The following LAMA2 variants were observed in gnomAD, a reference collection of about 807,000 sequenced individuals.
LAMA2 encodes laminin subunit alpha 2.
Under a neutral mutation model 364.8 loss-of-function variants are expected in LAMA2, and 269 were observed. The ratio of observed to expected loss-of-function variants is 0.74; its 90% confidence interval spans 0.67 to 0.82. The LOEUF (loss-of-function observed/expected upper bound fraction) is 0.82, where lower values mean the gene tolerates loss of function less well. Among genes scored for constraint, LAMA2 ranks in the 40% least tolerant of loss-of-function variants. The pLI, the probability that LAMA2 is intolerant of heterozygous loss-of-function variation, is 0.00. For missense variants in LAMA2, 3,807 were observed against 3,873.2 expected (o/e 0.98, Z 0.45); for synonymous variants, 1,379 against 1,370.6 (o/e 1.01, Z -0.14).
At position 129,098,284 on chromosome 6, in the gene LAMA2, G is replaced by C; in HGVS notation, c.508G>C (p.Ala170Pro). 6.2e-7 allele frequency: 1 copy of C among 1,614,092 alleles called. No individual in the cohort carries two copies. Among genetic ancestry groups the C allele is most frequent in the Non-Finnish European group, 8.5e-7 (1 of 1,180,002 alleles). Reference sequence around the variant, plus strand: ...TGAATACAAGCCCTGGCAGTATCATGCTGTGACAGACACGGAGTGCCTAAC... The same window carrying C: ...TGAATACAAGCCCTGGCAGTATCATCCTGTGACAGACACGGAGTGCCTAAC... ...DVEYKPWQYH[A>P]VTDTECLTLY... Residue 170 changes from alanine to proline, a missense_variant, in exon 4 of 65, where the codon GCT becomes CCT. Physicochemically the swap from Ala to Pro is conservative, Grantham distance 27. Around this residue, in one of 3 missense-constraint regions of LAMA2, gnomAD observed 394 missense variants for 403.5 expected, o/e 0.98. Coordinates refer to ENST00000421865, the MANE Select transcript of LAMA2 (RefSeq NM_000426.4).
intron 8 of LAMA2, among the ~76,000 whole-genome samples, chr6:129,164,469 G>C (rs376520031): frequency 6.6e-6 from 1 of 152,080 alleles, no homozygotes; most frequent in Non-Finnish European, 1.5e-5. Flanking sequence ...AGGACATTTC[G>C]GAGAATACAA....
Position 129,490,411 on chromosome 6 carries a change from A to T in LAMA2, c.7899-1490A>T, listed in dbSNP as rs186134541. ...CCACCCTGTGAATTGGTTTAAAAAA[A>T]ATAAGGGTCACTATGATGGTCCTTG... On this transcript the variant is annotated intron_variant, in intron 56 of 64. Transcript: ENST00000421865. Among the ~76,000 whole-genome samples, 12 of 152,352 alleles carry T rather than the reference A, an allele frequency of 7.9e-5. 1 individual carries two copies. The East Asian group carries it at 2.3e-3, about 29-fold the overall frequency.
chr6:129,009,759 G>A (rs1415292973), intron 1 of LAMA2, among the ~76,000 whole-genome samples: 1 of 152,028 alleles, frequency 6.6e-6, no homozygotes, highest in Non-Finnish European at 1.5e-5. Flanking sequence ...GATTCTTACC[G>A]CCTACCAGCT....
chr6:129,128,605 TATTAA>T (rs1356072951), intron 4 of LAMA2, among the ~76,000 whole-genome samples: 1 of 152,236 alleles, frequency 6.6e-6, no homozygotes, highest in Non-Finnish European at 1.5e-5. Flanking sequence ...ATTTTAACAA[TATTAA>T]ATTCTTCCAA....
chr6:129,237,460 C>T (rs748274891), intron 12 of LAMA2, among the ~76,000 whole-genome samples: 6 of 151,874 alleles, frequency 4.0e-5, no homozygotes, highest in Non-Finnish European at 8.8e-5. Flanking sequence ...CTCAGCCTCC[C>T]GAGTAGCTGG....
chr6:129,453,245 C>T, intron 46 of LAMA2, 114 bp downstream of exon 46: 1 of 1,001,614 alleles, frequency 1.0e-6, no homozygotes, highest in Non-Finnish European at 1.5e-6. Context: ...CTAACGTAGG[C>T]TTTCAGATTT....
chr6:129,131,809 A>G (rs1777492826), intron 4 of LAMA2, among the ~76,000 whole-genome samples: 1 of 152,208 alleles, frequency 6.6e-6, no homozygotes. Flanking sequence ...TCAATGAAAC[A>G]CTTTCTTAGA....
intron 3 of LAMA2, among the ~76,000 whole-genome samples, chr6:129,060,800 G>A (rs898311969): frequency 6.6e-6 from 1 of 152,124 alleles, no homozygotes; most frequent in Non-Finnish European, 1.5e-5. Context: ...GGTTCATTTT[G>A]GTGAGGGCTG....
chr6:129,334,098 T>A (rs1353418883), intron 29 of LAMA2, among the ~76,000 whole-genome samples: 1 of 152,210 alleles, frequency 6.6e-6, no homozygotes, highest in Non-Finnish European at 1.5e-5. Flanking sequence ...ATGAGGCAAA[T>A]AAGAAATAGC....
intron 1 of LAMA2, among the ~76,000 whole-genome samples, chr6:128,991,800 CT>C (rs1442295439): frequency 6.6e-6 from 1 of 152,128 alleles, no homozygotes; most frequent in Non-Finnish European, 1.5e-5. Flanking sequence ...CTATGTGCCC[CT>C]GACATCTGTA....
At chr6:129,283,979 A>G (rs1788917309) in intron 18 of LAMA2, among the ~76,000 whole-genome samples, 1 of 152,086 alleles carries the variant, frequency 6.6e-6, no homozygotes, top group Non-Finnish European at 1.5e-5. Context: ...ACACTGCACA[A>G]AGGCACTCAG....
intron 3 of LAMA2, among the ~76,000 whole-genome samples, chr6:129,091,880 GTCAGAATCTGTA>G (rs1423972357): frequency 6.6e-6 from 1 of 152,138 alleles, no homozygotes; most frequent in Non-Finnish European, 1.5e-5. Flanking sequence ...TTATAGCATT[GTCAGAATCTGTA>G]TAAGTATCTC....
At chr6:129,357,177 CATT>C (rs1401486556) in intron 32 of LAMA2, among the ~76,000 whole-genome samples, 1 of 151,834 alleles carries the variant, frequency 6.6e-6, no homozygotes, top group Non-Finnish European at 1.5e-5. Flanking sequence ...ACAAAGAAGC[CATT>C]ATTTGCTTAA....
intron 7 of LAMA2, among the ~76,000 whole-genome samples, chr6:129,151,726 T>A (rs1778807881): frequency 6.6e-6 from 1 of 152,008 alleles, no homozygotes; most frequent in African/African-American, 2.4e-5. Context: ...TATAAAACCA[T>A]CAGATCTTGT....
At chr6:128,945,864 G>T (rs935074598) in intron 1 of LAMA2, among the ~76,000 whole-genome samples, 1 of 152,156 alleles carries the variant, frequency 6.6e-6, no homozygotes, top group Non-Finnish European at 1.5e-5. Context: ...GATATAATTC[G>T]GATATAACTC....
chr6:129,177,824 G>T lies in LAMA2; in HGVS notation c.1425G>T (p.Gly475=), dbSNP rs758436223. ...AAGCCTGTAACTGCAGTGGGTTAGG[G>T]AGCAAAAATGAGGATCCTTGTTTTG... ...DCKACNCSGL[G]SKNEDPCFGP... is the part of the protein sequence containing the mutation. The change falls in exon 10 of 65, where the codon GGG becomes GGT. Residue 475 remains glycine, a synonymous_variant. Coordinates refer to ENST00000421865, the MANE Select transcript of LAMA2 (RefSeq NM_000426.4). 4.3e-6 allele frequency: 7 copies of T among 1,613,924 alleles called. No homozygotes were observed. The highest frequency in any genetic ancestry group is 5.9e-6 in the Non-Finnish European group (7 of 1,179,928).
At chr6:129,454,904 T>C (rs1583791610) in intron 47 of LAMA2, among the ~76,000 whole-genome samples, 1 of 152,254 alleles carries the variant, frequency 6.6e-6, no homozygotes, top group East Asian at 1.9e-4. Context: ...CTCAACTCCC[T>C]GTTAAACCCA....
intron 18 of LAMA2, among the ~76,000 whole-genome samples, chr6:129,281,232 T>C (rs1788697194): frequency 6.6e-6 from 1 of 152,198 alleles, no homozygotes; most frequent in South Asian, 2.1e-4. Flanking sequence ...TCTGTGTGTG[T>C]GTTTAAAGAA....
intron 4 of LAMA2, among the ~76,000 whole-genome samples, chr6:129,124,023 C>T (rs56209536): frequency 0.056 from 8,552 of 152,196 alleles, 404 homozygotes; most frequent in African/African-American, 0.13. Context: ...TTGTATACAT[C>T]AAATACGTAA....
Sources: gnomAD v4.1 joint callset for allele counts (sites outside exome capture counted in the v4.1 genomes callset) on GRCh38, gnomAD v4.1.1 for gene constraint, gnomAD v4.1.1 regional missense constraint, MANE v1.5 for transcripts, NCBI Gene and HGNC (gene_info 2026-07-23, HGNC 2026-07-21) for gene names.